DIXDC1: variants seen among roughly 807,000 people sequenced by gnomAD.
DIXDC1 encodes dixin.
A neutral mutation model predicts 103.1 loss-of-function variants in DIXDC1; 64 were observed. That is an observed-to-expected ratio of 0.62 (90% CI 0.51 to 0.76). The LOEUF (loss-of-function observed/expected upper bound fraction) is 0.76. Among genes scored for constraint, DIXDC1 ranks in the 30% least tolerant of loss-of-function variants. The pLI is 0.00. For missense variants in DIXDC1, 759 were observed against 834.2 expected, an observed-to-expected ratio of 0.91 and a Z score of 1.11; for synonymous variants, 266 against 298.5, an observed-to-expected ratio of 0.89 and a Z score of 1.12.
intron 9 of DIXDC1, among the ~76,000 whole-genome samples, chr11:111,987,660 A>ATTTT (rs11397376): frequency 2.2e-5 from 3 of 139,242 alleles, no homozygotes; most frequent in Admixed American, 7.3e-5. Context: ...ATAGACATGA[A>ATTTT]TTTTTTTTTT....
Position 111,980,652 on chromosome 11 carries a change from C to T in DIXDC1, c.657-85C>T, listed in dbSNP as rs1268180777. 9 of 1,078,412 alleles carry T rather than the reference C, an allele frequency of 8.3e-6. No individual in the cohort carries two copies. In the African/African-American group the frequency reaches 9.4e-5, roughly 11 times the overall value. The allele number at this position is 1,078,412 out of a possible 1,614,324, so 66.8% of individuals were successfully genotyped here. A position where few individuals can be genotyped will look rare whatever the true frequency, so the allele number is the denominator to read the frequency against. On this transcript the variant is annotated intron_variant, in intron 5 of 19. Transcript: ENST00000440460. ...GGAGTAAGATGAATAAGAACATGTC[C>T]CTGTTCTCAGGAATAAATTATGAAA...
intron 1 of DIXDC1, among the ~76,000 whole-genome samples, chr11:111,954,409 T>G (rs957705054): frequency 1.5e-4 from 23 of 152,208 alleles, no homozygotes; most frequent in Non-Finnish European, 3.1e-4. Context: ...CAGATGAAGC[T>G]TCACTCTGTG....
chr11:111,970,726 A>G (rs1229769550), intron 3 of DIXDC1, among the ~76,000 whole-genome samples: 1 of 152,112 alleles, frequency 6.6e-6, no homozygotes, highest in Admixed American at 6.6e-5. Context: ...TTCAAACTAT[A>G]CTACAAGACT....
In DIXDC1 at chr11:111,964,570, G is replaced by T; in HGVS notation, c.82G>T (p.Ala28Ser). ...FNEQQLQAYV[A>S]WVNAQLKKRP... is the part of the protein sequence containing the mutation. ...CCAGCAACAGCTGCAGGCCTATGTG[G>T]CCTGGGTGAATGCACAGCTGAAGAA... Residue 28 changes from alanine to serine, a missense_variant, in exon 2 of 20, where the codon GCC becomes TCC. By Grantham distance (99) the Ala-to-Ser change is moderately conservative. Coordinates refer to ENST00000440460, the MANE Select transcript of DIXDC1 (RefSeq NM_001037954.4). 6.2e-7 allele frequency: 1 copy of T among 1,606,700 alleles called. No homozygotes were observed. The highest frequency in any genetic ancestry group is 8.5e-7 in the Non-Finnish European group (1 of 1,176,388).
chr11:112,016,941 G>T, intron 18 of DIXDC1, 145 bp downstream of exon 18: 1 of 666,002 alleles, frequency 1.5e-6, no homozygotes. Context: ...CAGAGAGACA[G>T]ATTCTAGTTT....
At chr11:111,963,307 T>C (rs908818176) in intron 1 of DIXDC1, among the ~76,000 whole-genome samples, 11 of 152,228 alleles carry the variant, frequency 7.2e-5, no homozygotes, top group Non-Finnish European at 2.9e-5. Context: ...GCTCAATAAA[T>C]ATTAGATTCC....
rs1055874525 is a variant in DIXDC1, at chr11:112,021,397, C to T, written c.*2361C>T. The T allele has an allele frequency of 1.3e-5, 2 of 152,058 alleles. No homozygotes were observed. The highest frequency in any genetic ancestry group is 1.3e-4 in the Admixed American group (2 of 15,266). 9.4% of individuals were successfully genotyped at this position (152,058 alleles called of 1,614,324 possible). A position where few individuals can be genotyped will look rare whatever the true frequency, so the allele number is the denominator to read the frequency against. On this transcript the variant is annotated 3_prime_UTR_variant, in exon 20 of 20. Coordinates refer to ENST00000440460, the MANE Select transcript of DIXDC1 (RefSeq NM_001037954.4). ...GTGATCCTCATTCCAGTTTCCAAAG[C>T]GAGAGGAGCCTTCTGAGCAGAAGTA...
chr11:111,963,194 G>A (rs1368719027), intron 1 of DIXDC1, among the ~76,000 whole-genome samples: 1 of 152,200 alleles, frequency 6.6e-6, no homozygotes, highest in African/African-American at 2.4e-5. Context: ...ATGTCATTTA[G>A]TACATTTAGT....
intron 9 of DIXDC1, 200 bp from the exon 10 acceptor site, chr11:111,988,805 G>A (rs1404038553): frequency 9.9e-6 from 4 of 404,368 alleles, no homozygotes; most frequent in South Asian, 1.1e-4. Flanking sequence ...TGCCAACAGG[G>A]AAGAACGGAA....
chr11:111,992,120 C>T (rs1860729307), intron 10 of DIXDC1, among the ~76,000 whole-genome samples: 8 of 152,086 alleles, frequency 5.3e-5, no homozygotes, highest in Admixed American at 3.9e-4. Flanking sequence ...CTTTCTCTCT[C>T]GAATACACCA....
intron 1 of DIXDC1, among the ~76,000 whole-genome samples, chr11:111,953,154 A>G (rs781904906): frequency 1.6e-4 from 25 of 152,210 alleles, no homozygotes; most frequent in Non-Finnish European, 2.9e-4. Flanking sequence ...AAGAGAAATA[A>G]AGGAACATAC....
intron 6 of DIXDC1, 70 bp from the exon 7 acceptor site, chr11:111,982,269 C>G: frequency 6.5e-7 from 1 of 1,543,992 alleles, no homozygotes. Context: ...TGAACGCTAC[C>G]CTGTGAACGC....
chr11:112,012,310 T>C (rs1297940371), intron 17 of DIXDC1, among the ~76,000 whole-genome samples: 1 of 152,204 alleles, frequency 6.6e-6, no homozygotes, highest in East Asian at 1.9e-4. Flanking sequence ...CTGTCTGATA[T>C]CAAAATTAAC....
At chr11:111,951,456 TC>T (rs1476902735) in intron 1 of DIXDC1, among the ~76,000 whole-genome samples, 2 of 152,110 alleles carry the variant, frequency 1.3e-5, no homozygotes, top group African/African-American at 4.8e-5. Context: ...ATGAAGACTT[TC>T]CTAAAAGTTT....
intron 1 of DIXDC1, among the ~76,000 whole-genome samples, chr11:111,960,074 T>G (rs1555170924): frequency 6.6e-6 from 1 of 151,854 alleles, no homozygotes; most frequent in African/African-American, 2.4e-5. Flanking sequence ...CACACCCGGC[T>G]AATTTTTGTA....
At position 111,959,269 on chromosome 11, in the gene DIXDC1, G is replaced by C. The variant is rs587732709; in HGVS notation, c.61-5280G>C. On this transcript the variant is annotated intron_variant, in intron 1 of 19. Coordinates refer to ENST00000440460, the MANE Select transcript of DIXDC1 (RefSeq NM_001037954.4). ...CAGAGAGAAGAGCTCCCTTTGGGGA[G>C]CCCAGACCTAGGAGCTCCCCAAGCC... Among the ~76,000 whole-genome samples the C allele has an allele frequency of 3.3e-5, 5 of 152,326 alleles. No individual in the cohort carries two copies. In the South Asian group the frequency reaches 6.2e-4, roughly 19 times the overall value.
At chr11:111,937,787 TTACCTGAGCCC>T (rs1966268305) in intron 1 of DIXDC1, among the ~76,000 whole-genome samples, 1 of 152,166 alleles carries the variant, frequency 6.6e-6, no homozygotes, top group South Asian at 2.1e-4. Flanking sequence ...CCCTGGTAGC[TTACCTGAGCCC>T]AAGAGGACAG....
intron 1 of DIXDC1, among the ~76,000 whole-genome samples, chr11:111,938,879 A>G (rs977009906): frequency 9.9e-5 from 15 of 152,250 alleles, no homozygotes; most frequent in African/African-American, 3.6e-4. Flanking sequence ...TCCTGTCTGC[A>G]CTGCAGGGCA....
chr11:111,975,251 G>A, intron 5 of DIXDC1: 3 of 1,253,260 alleles, frequency 2.4e-6, no homozygotes, highest in Non-Finnish European at 3.0e-6. Context: ...GGGCATGGCT[G>A]GAACCTGTCA....
Sources: gnomAD v4.1 joint callset for allele counts (sites outside exome capture counted in the v4.1 genomes callset) on GRCh38, gnomAD v4.1.1 for gene constraint, MANE v1.5 for transcripts, NCBI Gene and HGNC (gene_info 2026-07-23, HGNC 2026-07-21) for gene names.